Variants in EVI5L observed in about 807,000 individuals in gnomAD.
EVI5L encodes ecotropic viral integration site 5 like.
In EVI5L, 30 loss-of-function variants were observed where a neutral mutation model predicts 106.1. The ratio of observed to expected loss-of-function variants is 0.28; its 90% CI spans 0.21 to 0.38. The LOEUF is 0.38. Ranked by LOEUF, EVI5L falls within the 10% of genes least tolerant of loss-of-function variation. The probability of loss-of-function intolerance (pLI) is 1.00; values close to 1 mark genes in which losing one functional copy is unlikely to be tolerated. For synonymous variants in EVI5L, 489 were observed against 483.3 expected (o/e 1.01, Z -0.15); for missense variants, 809 against 1,098.0 (o/e 0.74, Z 3.72).
At position 7,862,460 on chromosome 19, in the gene EVI5L, C is replaced by T. The variant is rs139423828; in HGVS notation, c.1873C>T (p.Leu625=). Residue 625 remains leucine (L), a synonymous_variant, in exon 17 of 20, where the codon CTG becomes TTG. Transcript: ENST00000538904. ...RAALQEKLQY[L]AAQNKGLQTQ... is the part of the protein sequence containing the mutation. ...GGCGCTGCAGGAGAAGCTGCAGTACCTGGCTGCACAGAACAAGGGGCTGCA... is the reference window on the plus strand; with the variant it reads ...GGCGCTGCAGGAGAAGCTGCAGTACTTGGCTGCACAGAACAAGGGGCTGCA... 1.7e-5 allele frequency: 28 copies of T among 1,608,454 alleles called. No homozygotes were observed. The highest frequency in any genetic ancestry group is 2.4e-5 in the Non-Finnish European group (28 of 1,178,154).
intron 1 of EVI5L, among the ~76,000 whole-genome samples, chr19:7,834,054 T>G (rs1159232219): frequency 6.6e-6 from 1 of 152,168 alleles, no homozygotes; most frequent in Non-Finnish European, 1.5e-5. Flanking sequence ...GAGTGTTTGA[T>G]TGAAATCTGA....
intron 1 of EVI5L, among the ~76,000 whole-genome samples, chr19:7,841,978 G>C (rs902619299): frequency 1.3e-5 from 2 of 152,218 alleles, no homozygotes; most frequent in Non-Finnish European, 2.9e-5. Flanking sequence ...GGGGGTGAGC[G>C]CTGCTCGGTG....
chr19:7,844,448 A>T (rs1484735015), intron 1 of EVI5L, among the ~76,000 whole-genome samples: 1 of 151,742 alleles, frequency 6.6e-6, no homozygotes. Flanking sequence ...CTGCTCCCCA[A>T]CTCCATCTGT....
rs1241149248 is a variant in EVI5L at position 7,858,588 on chromosome 19, A to T, written c.1374+257A>T. On this transcript the variant is annotated intron_variant, in intron 13 of 19. Coordinates refer to ENST00000538904, the MANE Select transcript of EVI5L (RefSeq NM_001159944.3). This position sits in a 1 kb window ranked among gnomAD's most constrained non-coding sequence, Gnocchi z 5.7. ...TGACTTCCCAACCCCCAGCCTCAGC[A>T]CGGAGGCCTCTGAAGACCGGGCTGT... 3 of 534,058 alleles carry T rather than the reference A, an allele frequency of 5.6e-6. No homozygotes were observed. The highest frequency in any genetic ancestry group is 9.8e-6 in the Non-Finnish European group (3 of 304,630). 33.1% of individuals were successfully genotyped at this position (534,058 alleles called of 1,614,324 possible). A position where few individuals can be genotyped will look rare whatever the true frequency, so the allele number is the denominator to read the frequency against.
Position 7,856,173 on chromosome 19 carries a change from C to A in EVI5L, c.1200+105C>A. The A allele has an allele frequency of 8.9e-7, 1 of 1,121,688 alleles. No homozygotes were observed. Among genetic ancestry groups the A allele is most frequent in the Non-Finnish European group, 1.2e-6 (1 of 857,524 alleles). 69.5% of individuals were successfully genotyped at this position (1,121,688 alleles called of 1,614,324 possible). ...TGGACTCCTCCAAGTCTTCTCCTCT[C>A]TGGAGGACTAAGCAGCCCTACCTTC... On this transcript the variant is annotated intron_variant, in intron 11 of 19. Coordinates refer to ENST00000538904, the MANE Select transcript of EVI5L (RefSeq NM_001159944.3). This position sits in a 1 kb window ranked among gnomAD's most constrained non-coding sequence, Gnocchi z 6.6.
At chr19:7,832,121 G>A (rs73923915) in intron 1 of EVI5L, among the ~76,000 whole-genome samples, 10,780 of 152,176 alleles carry the variant, frequency 0.071, 399 homozygotes, top group Middle Eastern at 0.12. Context: ...CCATCCCGCC[G>A]CCCTCCCCAC....
Position 7,835,758 on chromosome 19 carries a change from G to A in EVI5L, c.-48+5377G>A, listed in dbSNP as rs1293794946. ...GGGGCAGCTCACCTGTCAGTTGTCC[G>A]CCCACACCTTGCCAAGGACGAGAGG... On this transcript the variant is annotated intron_variant, in intron 1 of 19. Transcript: ENST00000538904. This position sits in a 1 kb window ranked among gnomAD's most constrained non-coding sequence, Gnocchi z 4.1. 6.6e-6 allele frequency among the ~76,000 whole-genome samples: 1 copy of A among 152,142 alleles called. No individual in the cohort carries two copies. Among genetic ancestry groups the A allele is most frequent in the Non-Finnish European group, 1.5e-5 (1 of 68,038 alleles).
chr19:7,842,312 G>T (rs1462295160), intron 1 of EVI5L, among the ~76,000 whole-genome samples: 1 of 90,620 alleles, frequency 1.1e-5, no homozygotes, highest in African/African-American at 3.8e-5. Flanking sequence ...GCGTGTGTGA[G>T]AATGTATGAA....
Position 7,849,273 on chromosome 19 carries a change from C to T in EVI5L, c.570C>T (p.Asp190=). 6.2e-7 allele frequency: 1 copy of T among 1,614,194 alleles called. No homozygotes were observed. Among genetic ancestry groups the T allele is most frequent in the Non-Finnish European group, 8.5e-7 (1 of 1,180,036 alleles). ...CCTTCTAGGCATACTCGCTGGTAGA[C>T]CGGGAGGTGGGCTACTGCCAGGGAA... The part of the protein sequence containing the change: ...FNVMKAYSLV[D]REVGYCQGSA... Residue 190 remains aspartate, a synonymous_variant, in exon 5 of 20, where the codon GAC becomes GAT. Coordinates refer to ENST00000538904, the MANE Select transcript of EVI5L (RefSeq NM_001159944.3).
chr19:7,860,268 C>T (rs2146438231), intron 13 of EVI5L, among the ~76,000 whole-genome samples: 1 of 152,296 alleles, frequency 6.6e-6, no homozygotes, highest in Middle Eastern at 3.4e-3. Context: ...CACCAGTGAT[C>T]CCGGAAAACC....
At position 7,864,777 on chromosome 19, in the gene EVI5L, G is replaced by A. The variant is rs934470333; in HGVS notation, c.*1075G>A. Reference sequence around the variant, plus strand: ...AGTAGCGTCACAAGCAATCTCCCTGGCGCTTCCTGGGTGGGGACCCCTGCT... The same window carrying A: ...AGTAGCGTCACAAGCAATCTCCCTGACGCTTCCTGGGTGGGGACCCCTGCT... On this transcript the variant is annotated 3_prime_UTR_variant, in exon 20 of 20. Transcript: ENST00000538904. The surrounding 1 kb of genome is among the most constrained non-coding windows in gnomAD (Gnocchi z 4.5). 6.6e-6 allele frequency: 1 copy of A among 152,292 alleles called. No homozygotes were observed. Among genetic ancestry groups the A allele is most frequent in the Non-Finnish European group, 1.5e-5 (1 of 68,066 alleles). 9.4% of individuals were successfully genotyped at this position (152,292 alleles called of 1,614,324 possible).
rs1358368667 is a variant in EVI5L at position 7,856,925 on chromosome 19, C to T, written c.1201-167C>T. ...GCTGGCTCTAGCTTTGGTCTTCCTCCGGGTCCTCTCCTGCTGGTTCTCTGG... is the reference window on the plus strand; with the variant it reads ...GCTGGCTCTAGCTTTGGTCTTCCTCTGGGTCCTCTCCTGCTGGTTCTCTGG... On this transcript the variant is annotated intron_variant, in intron 11 of 19. Coordinates refer to ENST00000538904, the MANE Select transcript of EVI5L (RefSeq NM_001159944.3). This position sits in a 1 kb window ranked among gnomAD's most constrained non-coding sequence, Gnocchi z 6.6. 1.2e-5 allele frequency: 9 copies of T among 760,710 alleles called. No homozygotes were observed. Among genetic ancestry groups the T allele is most frequent in the Admixed American group, 2.0e-5 (1 of 50,022 alleles). The allele number at this position is 760,710 out of a possible 1,614,324, so 47.1% of individuals were successfully genotyped here.
Position 7,857,873 on chromosome 19 carries a change from T to C in EVI5L, c.1234-318T>C. 2.9e-6 allele frequency: 1 copy of C among 345,304 alleles called. No individual in the cohort carries two copies. Among genetic ancestry groups the C allele is most frequent in the Non-Finnish European group, 5.4e-6 (1 of 184,256 alleles). 21.4% of individuals were successfully genotyped at this position (345,304 alleles called of 1,614,324 possible). A position where few individuals can be genotyped will look rare whatever the true frequency, so the allele number is the denominator to read the frequency against. ...AGAGTCTGGCATGAATAGGCACAGG[T>C]GGCCTCGCTGTGCCCCTGGATAAGG... On this transcript the variant is annotated intron_variant, in intron 12 of 19. Transcript: ENST00000538904. The surrounding 1 kb of genome is among the most constrained non-coding windows in gnomAD (Gnocchi z 4.5).
intron 1 of EVI5L, among the ~76,000 whole-genome samples, chr19:7,841,617 G>A (rs1376291129): frequency 6.6e-6 from 1 of 152,178 alleles, no homozygotes; most frequent in Non-Finnish European, 1.5e-5. Flanking sequence ...GCTTGAGTGG[G>A]TGCTGGCAGG....
Position 7,863,129 on chromosome 19 carries a change from G to T in EVI5L, c.2044-56G>T. The stretch of plus-strand genomic sequence containing the variant: ...GGGCAGGGCCCGGGGCAGGAGCGGG[G>T]CCGGACCCCAGGCCCAGCATGGCAC... On this transcript the variant is annotated intron_variant, in intron 18 of 19. Transcript: ENST00000538904. The surrounding 1 kb of genome is among the most constrained non-coding windows in gnomAD (Gnocchi z 7.7). The T allele has an allele frequency of 6.5e-7, 1 of 1,537,174 alleles. No individual in the cohort carries two copies. Among genetic ancestry groups the T allele is most frequent in the Non-Finnish European group, 8.8e-7 (1 of 1,142,330 alleles).
Position 7,847,651 on chromosome 19 carries a change from G to T in EVI5L, c.138-81G>T. 4.8e-6 allele frequency: 7 copies of T among 1,471,142 alleles called. No homozygotes were observed. In the South Asian group the frequency reaches 4.9e-5, roughly 10 times the overall value. 91.1% of individuals were successfully genotyped at this position (1,471,142 alleles called of 1,614,324 possible). A position where few individuals can be genotyped will look rare whatever the true frequency, so the allele number is the denominator to read the frequency against. On this transcript the variant is annotated intron_variant, in intron 2 of 19. Coordinates refer to ENST00000538904, the MANE Select transcript of EVI5L (RefSeq NM_001159944.3). ...CTGGTGTCCTCTAAGACCCCCAGGA[G>T]GGGGAGGATGGGCTGGGCTCGCCAA...
Position 7,857,035 on chromosome 19 carries a change from CCG to C in EVI5L, c.1201-53_1201-52del. The C allele has an allele frequency of 6.5e-7, 1 of 1,544,976 alleles. No individual in the cohort carries two copies. The highest frequency in any genetic ancestry group is 2.4e-5 in the East Asian group (1 of 40,892). On this transcript the variant is annotated intron_variant, in intron 11 of 19. Transcript: ENST00000538904. This position sits in a 1 kb window ranked among gnomAD's most constrained non-coding sequence, Gnocchi z 4.5. ...CTTGTCTGTCTCCCCTCTCCTGTCC[CCG>C]CGCCTTCCGCTCTGCCTCCTCCCCC...
chr19:7,862,600 C>G, intron 17 of EVI5L, 66 bp downstream of exon 17: 1 of 1,305,374 alleles, frequency 7.7e-7, no homozygotes, highest in Non-Finnish European at 9.9e-7. Flanking sequence ...ACATGAGGCC[C>G]CGCCCCCAAT....
chr19:7,847,619 C>A, intron 2 of EVI5L, 113 bp from the exon 3 acceptor site: 2 of 1,072,394 alleles, frequency 1.9e-6, no homozygotes, highest in South Asian at 1.5e-5. Context: ...CAAGAGGGAC[C>A]TAATCCCTGG....
Sources: gnomAD v4.1 joint callset for allele counts (sites outside exome capture counted in the v4.1 genomes callset) on GRCh38, gnomAD v4.1.1 for gene constraint, Gnocchi (gnomAD v3.1) non-coding constraint, MANE v1.5 for transcripts, NCBI Gene and HGNC (gene_info 2026-07-23, HGNC 2026-07-21) for gene names.